Variants in KCNMB4 observed in about 807,000 individuals in gnomAD.
The protein encoded by KCNMB4 is calcium-activated potassium channel subunit beta-4.
Under a neutral mutation model 20.7 loss-of-function variants are expected in KCNMB4, and 3 were observed. That is an observed-to-expected ratio of 0.14 (90% CI 0.07 to 0.37). The LOEUF (loss-of-function observed/expected upper bound fraction) is 0.37. Ranked by LOEUF, KCNMB4 falls within the 10% of genes least tolerant of loss-of-function variation. The pLI, the probability that KCNMB4 is intolerant of heterozygous loss-of-function variation, is 1.00. For missense variants in KCNMB4, 168 were observed against 265.9 expected (o/e 0.63, Z 2.56); for synonymous variants, 110 against 113.4 (o/e 0.97, Z 0.19).
At chr12:70,396,041 G>T (rs787937) in intron 1 of KCNMB4, among the ~76,000 whole-genome samples, 25,335 of 152,084 alleles carry the variant, frequency 0.17, 3,778 homozygotes, top group African/African-American at 0.4. Flanking sequence ...TTTCTCTGAG[G>T]ATGTACCAGG....
At chr12:70,401,147 T>G (rs960562723) in intron 2 of KCNMB4, among the ~76,000 whole-genome samples, 4 of 152,166 alleles carry the variant, frequency 2.6e-5, no homozygotes, top group Admixed American at 2.0e-4. Context: ...TGCCTCAGCC[T>G]CCCGAGTAGC....
intron 1 of KCNMB4, among the ~76,000 whole-genome samples, chr12:70,382,782 G>A (rs1477177921): frequency 1.3e-5 from 2 of 152,144 alleles, no homozygotes; most frequent in Non-Finnish European, 2.9e-5. Flanking sequence ...ACATGCGTAG[G>A]CAGTTCAGTA....
intron 1 of KCNMB4, among the ~76,000 whole-genome samples, chr12:70,393,651 T>TA (rs2136126192): frequency 6.6e-6 from 1 of 152,332 alleles, no homozygotes; most frequent in African/African-American, 2.4e-5. Context: ...AAAATCCAGA[T>TA]ATCATATCAA....
intron 2 of KCNMB4, among the ~76,000 whole-genome samples, chr12:70,408,924 A>G (rs766330083): frequency 6.6e-6 from 1 of 152,130 alleles, no homozygotes; most frequent in Non-Finnish European, 1.5e-5. Flanking sequence ...TCATTGCCAG[A>G]AAACTTCTCT....
chr12:70,395,571 A>G (rs1203199404), intron 1 of KCNMB4, among the ~76,000 whole-genome samples: 3 of 152,198 alleles, frequency 2.0e-5, no homozygotes, highest in Admixed American at 2.0e-4. Context: ...GATAATGGAA[A>G]ACTAAGTAAT....
rs556042856 is a variant in KCNMB4, at chr12:70,419,810, G to A, written c.465-10675G>A. 2.1e-4 allele frequency among the ~76,000 whole-genome samples: 31 copies of A among 149,344 alleles called. 1 individual carries two copies. Among genetic ancestry groups the A allele is most frequent in the South Asian group, 8.5e-4 (4 of 4,710 alleles). ...TCTATAAAAAGTAAGGAGGCACTTAGGGAGGATGGATATTAAAATTGCAAA... is the reference window on the plus strand; with the variant it reads ...TCTATAAAAAGTAAGGAGGCACTTAAGGAGGATGGATATTAAAATTGCAAA... On this transcript the variant is annotated intron_variant, in intron 2 of 2. Transcript: ENST00000258111.
chr12:70,428,287 C>G lies in KCNMB4; in HGVS notation c.465-2198C>G, dbSNP rs923853521. Among the ~76,000 whole-genome samples the G allele has an allele frequency of 3.3e-5, 5 of 152,204 alleles. No homozygotes were observed. The South Asian group carries it at 8.3e-4, about 25-fold the overall frequency. On this transcript the variant is annotated intron_variant, in intron 2 of 2. Transcript: ENST00000258111. ...GGGATTACAGGCATGAGCCACTACGCCCAGCCATCTTAACCATTTTAAAAT... is the reference window on the plus strand; with the variant it reads ...GGGATTACAGGCATGAGCCACTACGGCCAGCCATCTTAACCATTTTAAAAT...
intron 1 of KCNMB4, among the ~76,000 whole-genome samples, chr12:70,376,506 A>G (rs1209246525): frequency 6.6e-6 from 1 of 152,192 alleles, no homozygotes; most frequent in Non-Finnish European, 1.5e-5. Flanking sequence ...TGCAGGATAC[A>G]ATATCAATAT....
At chr12:70,384,408 C>T (rs1384525981) in intron 1 of KCNMB4, among the ~76,000 whole-genome samples, 2 of 152,158 alleles carry the variant, frequency 1.3e-5, no homozygotes, top group African/African-American at 4.8e-5. Context: ...TAAGATAAAA[C>T]TACCTTCTTA....
intron 2 of KCNMB4, among the ~76,000 whole-genome samples, chr12:70,426,826 A>G (rs1037698486): frequency 1.3e-5 from 2 of 152,180 alleles, no homozygotes; most frequent in Non-Finnish European, 2.9e-5. Context: ...GACTGTCATT[A>G]TTATCACCAC....
Position 70,366,752 on chromosome 12 carries a change from G to T in KCNMB4, c.18G>T (p.Val6=). 6.2e-7 allele frequency: 1 copy of T among 1,600,204 alleles called. No homozygotes were observed. Among genetic ancestry groups the T allele is most frequent in the African/African-American group, 1.3e-5 (1 of 74,844 alleles). MAKLR[V]AYEYTEAEDK... ...GGGGGGCGATGGCGAAGCTCCGGGT[G>T]GCTTACGAGTACACGGAAGCCGAGG... Residue 6 remains valine, a synonymous_variant, in exon 1 of 3, where the codon GTG becomes GTT. Coordinates refer to ENST00000258111, the MANE Select transcript of KCNMB4 (RefSeq NM_014505.6).
intron 1 of KCNMB4, among the ~76,000 whole-genome samples, chr12:70,387,927 A>C (rs551831646): frequency 5.3e-5 from 8 of 152,052 alleles, no homozygotes; most frequent in Non-Finnish European, 1.2e-4. Context: ...CATTCTTTTT[A>C]TTTTTATTTT....
chr12:70,411,443 ATATTTTAT>A (rs1868773318), intron 2 of KCNMB4, among the ~76,000 whole-genome samples: 1 of 152,216 alleles, frequency 6.6e-6, no homozygotes, highest in Non-Finnish European at 1.5e-5. Context: ...TAATATTTTA[ATATTTTAT>A]TAGTTTTTAT....
chr12:70,422,875 A>G (rs927816497), intron 2 of KCNMB4: 11 of 1,164,234 alleles, frequency 9.4e-6, no homozygotes, highest in Non-Finnish European at 1.1e-5. Context: ...TAAAAAGTCT[A>G]TTACTCTGGG....
intron 1 of KCNMB4, among the ~76,000 whole-genome samples, chr12:70,370,601 C>G (rs1357876177): frequency 6.6e-6 from 1 of 151,948 alleles, no homozygotes; most frequent in Non-Finnish European, 1.5e-5. Context: ...AGCCACCGCG[C>G]CCGGCCAGTG....
intron 1 of KCNMB4, among the ~76,000 whole-genome samples, chr12:70,375,017 G>A (rs575282150): frequency 1.6e-3 from 251 of 152,248 alleles, no homozygotes; most frequent in Non-Finnish European, 2.7e-3. Flanking sequence ...ACTCTATAGT[G>A]AGTGCTAAAT....
intron 2 of KCNMB4, among the ~76,000 whole-genome samples, chr12:70,426,554 A>G (rs1464393610): frequency 1.3e-5 from 2 of 152,224 alleles, no homozygotes; most frequent in African/African-American, 2.4e-5. Flanking sequence ...TTCAACAAGC[A>G]CCGTTAAGTG....
At chr12:70,384,239 A>G (rs1174781441) in intron 1 of KCNMB4, among the ~76,000 whole-genome samples, 2 of 152,232 alleles carry the variant, frequency 1.3e-5, no homozygotes, top group African/African-American at 4.8e-5. Context: ...AATGGAAAAA[A>G]TGCACACCAT....
intron 2 of KCNMB4, among the ~76,000 whole-genome samples, chr12:70,401,544 T>TA (rs1868449939): frequency 6.6e-6 from 1 of 152,084 alleles, no homozygotes. Flanking sequence ...GTTTTCAGAA[T>TA]AAAGCTCAAA....
Sources: allele counts gnomAD v4.1 joint callset (sites outside exome capture counted in the v4.1 genomes callset), GRCh38; gene constraint gnomAD v4.1.1; transcripts MANE v1.5; gene names NCBI Gene and HGNC (gene_info 2026-07-23, HGNC 2026-07-21).